Variants in FBXL17 observed in about 807,000 individuals in gnomAD.
FBXL17 encodes F-box and leucine rich repeat protein 17.
A neutral mutation model predicts 66.2 loss-of-function variants in FBXL17; 22 were observed. That is an observed-to-expected ratio of 0.33 (90% CI 0.24 to 0.47). The LOEUF (loss-of-function observed/expected upper bound fraction) is 0.47, where lower values mean the gene tolerates loss of function less well. Ranked by LOEUF, FBXL17 falls within the 20% of genes least tolerant of loss-of-function variation. The pLI is 1.00. For missense variants in FBXL17, 878 were observed against 948.2 expected, an observed-to-expected ratio of 0.93 and a Z score of 0.97; for synonymous variants, 474 against 400.5, an observed-to-expected ratio of 1.18 and a Z score of -2.19.
chr5:107,878,916 G>A (rs1748695833), intron 8 of FBXL17: 1 of 985,484 alleles, frequency 1.0e-6, no homozygotes, highest in Non-Finnish European at 1.2e-6. Context: ...TGGAGCCAAT[G>A]GGTTCTCAGA....
chr5:108,000,534 TA>T (rs1753682579), intron 7 of FBXL17, among the ~76,000 whole-genome samples: 1 of 152,234 alleles, frequency 6.6e-6, no homozygotes, highest in Non-Finnish European at 1.5e-5. Flanking sequence ...TGACAATAGA[TA>T]TCTGATGACT....
intron 5 of FBXL17, among the ~76,000 whole-genome samples, chr5:108,221,808 A>G (rs1409501684): frequency 1.3e-5 from 2 of 152,164 alleles, no homozygotes; most frequent in Non-Finnish European, 2.9e-5. Flanking sequence ...AACTGAGTCT[A>G]CCCTTGGTTT....
intron 6 of FBXL17, among the ~76,000 whole-genome samples, chr5:108,178,928 T>G (rs559009480): frequency 3.0e-4 from 46 of 152,312 alleles, no homozygotes; most frequent in African/African-American, 1.1e-3. Flanking sequence ...CAAATTCAAC[T>G]CTGCCTGCTG....
chr5:108,277,657 T>C (rs1418008004), intron 4 of FBXL17, among the ~76,000 whole-genome samples: 23 of 152,244 alleles, frequency 1.5e-4, no homozygotes, highest in Non-Finnish European at 1.3e-4. Flanking sequence ...AAGCAGTAAT[T>C]GGTACAAAGA....
At position 107,940,197 on chromosome 5, in the gene FBXL17, G is replaced by A. The variant is rs1025495; in HGVS notation, c.1823-59018C>T. On this transcript the variant is annotated intron_variant, in intron 7 of 8. Coordinates refer to ENST00000542267, the MANE Select transcript of FBXL17 (RefSeq NM_001163315.3). ...ATTTGAACCCAGGAAGTCTGACTCC[G>A]GAACCTACCTACGGCTACATATAAT... 4.6e-5 allele frequency among the ~76,000 whole-genome samples: 7 copies of A among 152,068 alleles called. No homozygotes were observed. In the East Asian group the frequency reaches 1.4e-3, roughly 29 times the overall value.
intron 5 of FBXL17, among the ~76,000 whole-genome samples, chr5:108,206,950 C>T (rs1754146469): frequency 6.6e-6 from 1 of 151,982 alleles, no homozygotes; most frequent in African/African-American, 2.4e-5. Flanking sequence ...AAGTGTTTAC[C>T]AAAGTAAACA....
intron 4 of FBXL17, among the ~76,000 whole-genome samples, chr5:108,305,636 T>C (rs1758801525): frequency 1.3e-5 from 2 of 151,976 alleles, no homozygotes; most frequent in African/African-American, 2.4e-5. Context: ...AAGAAGAATA[T>C]AGTGACAGAG....
intron 7 of FBXL17, among the ~76,000 whole-genome samples, chr5:107,900,156 G>C (rs533742650): frequency 1.3e-5 from 2 of 152,170 alleles, no homozygotes; most frequent in African/African-American, 4.8e-5. Flanking sequence ...TTTTCAGTAA[G>C]GATTGGTTTT....
At chr5:107,918,958 G>C (rs954923157) in intron 7 of FBXL17, among the ~76,000 whole-genome samples, 8 of 152,086 alleles carry the variant, frequency 5.3e-5, no homozygotes, top group Non-Finnish European at 2.9e-5. Flanking sequence ...ATTGCTAGTG[G>C]ACTATACTTT....
chr5:108,342,237 C>A (rs1405964460), intron 4 of FBXL17, among the ~76,000 whole-genome samples: 7 of 152,032 alleles, frequency 4.6e-5, no homozygotes, highest in African/African-American at 1.7e-4. Context: ...ATCAAAATAT[C>A]ACAAAAATGT....
At chr5:107,869,239 A>G (rs972674498) in intron 8 of FBXL17, among the ~76,000 whole-genome samples, 3 of 152,136 alleles carry the variant, frequency 2.0e-5, no homozygotes, top group Admixed American at 6.5e-5. Context: ...TCTCTGGGAC[A>G]ATACGCCTCT....
intron 6 of FBXL17, among the ~76,000 whole-genome samples, chr5:108,047,091 T>C (rs930881021): frequency 6.6e-6 from 1 of 152,208 alleles, no homozygotes. Context: ...AATTAGCATA[T>C]GAATCCTACG....
chr5:107,935,680 G>A lies in FBXL17; in HGVS notation c.1823-54501C>T, dbSNP rs541148258. The stretch of plus-strand genomic sequence containing the variant: ...GGACCATTTTGCAAGATGTAAGCAC[G>A]TAAGTTGGTATAAAGGGCCATTTTC... On this transcript the variant is annotated intron_variant, in intron 7 of 8. Coordinates refer to ENST00000542267, the MANE Select transcript of FBXL17 (RefSeq NM_001163315.3). Among the ~76,000 whole-genome samples the A allele has an allele frequency of 2.1e-4, 32 of 152,124 alleles. No individual in the cohort carries two copies. In the South Asian group the frequency reaches 6.2e-3, roughly 30 times the overall value.
chr5:108,368,243 A>G (rs1471285074), intron 1 of FBXL17, among the ~76,000 whole-genome samples: 1 of 151,912 alleles, frequency 6.6e-6, no homozygotes, highest in African/African-American at 2.4e-5. Context: ...AAAAAAAAAG[A>G]ATTGAAAGCA....
At chr5:108,050,363 C>A (rs1237113862) in intron 6 of FBXL17, among the ~76,000 whole-genome samples, 1 of 152,106 alleles carries the variant, frequency 6.6e-6, no homozygotes, top group African/African-American at 2.4e-5. Flanking sequence ...TAACAAACAT[C>A]CTCTCAGACC....
chr5:107,976,067 C>T (rs1752573741), intron 7 of FBXL17, among the ~76,000 whole-genome samples: 3 of 152,080 alleles, frequency 2.0e-5, no homozygotes, highest in Non-Finnish European at 1.5e-5. Flanking sequence ...CCATGTTGGC[C>T]AGGATGGTCT....
chr5:108,088,537 T>A (rs1029229530), intron 6 of FBXL17, among the ~76,000 whole-genome samples: 4 of 151,396 alleles, frequency 2.6e-5, no homozygotes, highest in Admixed American at 1.3e-4. Flanking sequence ...CCATCTCTAC[T>A]AAAAATGCAA....
At position 108,268,434 on chromosome 5, in the gene FBXL17, G is replaced by A. The variant is rs568221840; in HGVS notation, c.1507-44206C>T. On this transcript the variant is annotated intron_variant, in intron 4 of 8. Transcript: ENST00000542267. ...AACTATGAAACGGCTCTGGTTCAACGTTATCAGAAAAGGACCAGAACTTTA... is the reference window on the plus strand; with the variant it reads ...AACTATGAAACGGCTCTGGTTCAACATTATCAGAAAAGGACCAGAACTTTA... Among the ~76,000 whole-genome samples, 46 of 151,918 alleles carry A rather than the reference G, an allele frequency of 3.0e-4. 1 individual carries two copies. Among genetic ancestry groups the A allele is most frequent in the Non-Finnish European group, 7.4e-5 (5 of 67,922 alleles).
At chr5:108,190,453 A>C (rs552113245) in intron 5 of FBXL17, among the ~76,000 whole-genome samples, 30 of 152,288 alleles carry the variant, frequency 2.0e-4, no homozygotes, top group African/African-American at 7.0e-4. Context: ...TTCTTAAACC[A>C]ACCCTTACTC....
Sources: allele counts gnomAD v4.1 joint callset (sites outside exome capture counted in the v4.1 genomes callset), GRCh38; gene constraint gnomAD v4.1.1; transcripts MANE v1.5; gene names NCBI Gene and HGNC (gene_info 2026-07-23, HGNC 2026-07-21).